Variants in MMS19 observed in about 807,000 individuals in gnomAD.
MMS19 encodes the protein MMS19 cytosolic iron-sulfur assembly component.
MMS19 carries 77 observed loss-of-function variants against 129.8 expected under a neutral mutation model. The ratio of observed to expected loss-of-function variants is 0.59; its 90% CI spans 0.49 to 0.72. The LOEUF (loss-of-function observed/expected upper bound fraction) is 0.72, where lower values mean the gene tolerates loss of function less well. Among genes scored for constraint, MMS19 ranks in the 30% least tolerant of loss-of-function variants. The probability of loss-of-function intolerance (pLI) is 0.00; values close to 1 mark genes in which losing one functional copy is unlikely to be tolerated. For missense variants in MMS19, 1,168 were observed against 1,266.3 expected, an observed-to-expected ratio of 0.92 and a Z score of 1.18; for synonymous variants, 491 against 502.8, an observed-to-expected ratio of 0.98 and a Z score of 0.31.
At chr10:97,479,415 C>G (rs549226390) in intron 3 of MMS19, among the ~76,000 whole-genome samples, 1 of 152,156 alleles carries the variant, frequency 6.6e-6, no homozygotes. Flanking sequence ...GCTGCTGTTC[C>G]CCATTCGACG....
rs538750018 is a variant in MMS19, at chr10:97,479,347, C to T, written c.263-958G>A. Among the ~76,000 whole-genome samples, 73 of 152,250 alleles carry T rather than the reference C, an allele frequency of 4.8e-4. 4 individuals carry two copies. The South Asian group carries it at 0.014, about 29-fold the overall frequency. On this transcript the variant is annotated intron_variant, in intron 3 of 30. Coordinates refer to ENST00000438925, the MANE Select transcript of MMS19 (RefSeq NM_022362.5). The stretch of plus-strand genomic sequence containing the variant: ...CTCCAAATGGTACTGTAAACTGAAC[C>T]TCACATTGACACGCCATTCTTGTGA...
In MMS19 at chr10:97,477,914, G is replaced by T; in HGVS notation, c.364C>A (p.Leu122Met). The T allele has an allele frequency of 6.2e-7, 1 of 1,606,024 alleles. No individual in the cohort carries two copies. Among genetic ancestry groups the T allele is most frequent in the East Asian group, 2.2e-5 (1 of 44,758 alleles). Residue 122 changes from leucine to methionine, a missense_variant, in exon 5 of 31, where the codon CTG (leucine) becomes ATG (methionine). Physicochemically the swap from Leu to Met is conservative, Grantham distance 15. Coordinates refer to ENST00000438925, the MANE Select transcript of MMS19 (RefSeq NM_022362.5). Reference sequence around the variant, plus strand: ...ACAGAAACAGCCAGCCCTGGGGGCAGGGCCACACACAGGCTCTGGGGGAGA... The same window carrying T: ...ACAGAAACAGCCAGCCCTGGGGGCATGGCCACACACAGGCTCTGGGGGAGA... ...GLKALSLCVA[L>M]PPGLAVSVLK...
chr10:97,469,542 C>A, intron 11 of MMS19, 104 bp downstream of exon 11: 1 of 899,944 alleles, frequency 1.1e-6, no homozygotes, highest in South Asian at 1.5e-5. Flanking sequence ...GGCATTATAT[C>A]TTGGCCCTGG....
chr10:97,475,738 A>G (rs1480128326), intron 8 of MMS19, among the ~76,000 whole-genome samples: 1 of 152,230 alleles, frequency 6.6e-6, no homozygotes, highest in East Asian at 1.9e-4. Context: ...CTCCATCTCA[A>G]AAAAGCAAAA....
intron 1 of MMS19, among the ~76,000 whole-genome samples, chr10:97,496,479 T>C (rs1197504764): frequency 7.4e-6 from 1 of 135,808 alleles, no homozygotes; most frequent in African/African-American, 2.9e-5. Context: ...ACCACTGCAC[T>C]CCAGCCTGGC....
intron 5 of MMS19, 98 bp from the exon 6 acceptor site, chr10:97,477,514 CT>C: frequency 1.3e-6 from 2 of 1,493,230 alleles, no homozygotes; most frequent in Non-Finnish European, 1.9e-6. Context: ...GAACAGTGCT[CT>C]TTATACCAGC....
At chr10:97,498,657 G>A (rs372542284), upstream of MMS19, 1 of 477,332 alleles carries the variant, frequency 2.1e-6, no homozygotes, top group Non-Finnish European at 3.7e-6. Context: ...GGGCTGCGGG[G>A]CGGGCACCTG....
At position 97,462,092 on chromosome 10, in the gene MMS19, A is replaced by G. The variant is rs1272155170; in HGVS notation, c.2040T>C (p.Ile680=). Residue 680 remains isoleucine, a synonymous_variant, in exon 21 of 31, where the codon ATT becomes ATC. Coordinates refer to ENST00000438925, the MANE Select transcript of MMS19 (RefSeq NM_022362.5). ...CGTTGCCATCCAAGAAGAGGGGCAC[A>G]ATGTGTGTCACACTCTGGGCAGCTA... ...PELAAQSVTH[I]VPLFLDGNVS... 3.8e-6 allele frequency: 6 copies of G among 1,584,484 alleles called. No homozygotes were observed. The highest frequency in any genetic ancestry group is 5.2e-6 in the Non-Finnish European group (6 of 1,164,896).
At chr10:97,480,128 G>A (rs1009845221) in intron 3 of MMS19, 7 of 363,992 alleles carry the variant, frequency 1.9e-5, no homozygotes, top group East Asian at 7.6e-5. Flanking sequence ...TAAAAGGCTC[G>A]GGTAGGAGGG....
At chr10:97,487,474 A>G (rs1238613933) in intron 1 of MMS19, among the ~76,000 whole-genome samples, 2 of 151,806 alleles carry the variant, frequency 1.3e-5, no homozygotes, top group African/African-American at 2.4e-5. Context: ...GCCCACCACC[A>G]CACCCGGCTA....
intron 2 of MMS19, among the ~76,000 whole-genome samples, chr10:97,483,004 C>T (rs1340589502): frequency 6.6e-6 from 1 of 151,992 alleles, no homozygotes; most frequent in Non-Finnish European, 1.5e-5. Flanking sequence ...TCATGATCCG[C>T]CCACCTCGGC....
chr10:97,476,584 G>A (rs1334243213), intron 8 of MMS19, 99 bp downstream of exon 8: 3 of 953,488 alleles, frequency 3.1e-6, no homozygotes, highest in African/African-American at 1.6e-5. Flanking sequence ...GGGCGGGGAT[G>A]TCTATTTTGG....
rs1484692925 is a variant in MMS19 at position 97,498,235 on chromosome 10, GC to G, written c.112+37del. On this transcript the variant is annotated intron_variant, in intron 1 of 30. Transcript: ENST00000438925. ...GTACTGAGGCCGCTCCCTCCTGTTG[GC>G]CCCCATGCGGAAGGCGCGCGGCGCC... 5.3e-6 allele frequency: 8 copies of G among 1,519,614 alleles called. No homozygotes were observed. In the South Asian group the frequency reaches 6.0e-5, roughly 11 times the overall value. The allele number at this position is 1,519,614 out of a possible 1,614,324, so 94.1% of individuals were successfully genotyped here.
rs2032186168 is a variant in MMS19, at chr10:97,462,241, G to A, written c.2013-122C>T. 13 of 684,360 alleles carry A rather than the reference G, an allele frequency of 1.9e-5. 1 individual carries two copies. The South Asian group carries it at 2.3e-4, about 12-fold the overall frequency. The allele number at this position is 684,360 out of a possible 1,614,324, so 42.4% of individuals were successfully genotyped here. A position where few individuals can be genotyped will look rare whatever the true frequency, so the allele number is the denominator to read the frequency against. On this transcript the variant is annotated intron_variant, in intron 20 of 30. Transcript: ENST00000438925. Reference sequence around the variant, plus strand: ...TCACCACGTCAATGGGACATGCCCTGATCATTCATGCATTGAACAAATATT... The same window carrying A: ...TCACCACGTCAATGGGACATGCCCTAATCATTCATGCATTGAACAAATATT...
chr10:97,460,845 C>T (rs1164968198), intron 24 of MMS19, 62 bp downstream of exon 24: 5 of 1,527,864 alleles, frequency 3.3e-6, no homozygotes, highest in Non-Finnish European at 4.5e-6. Flanking sequence ...CAAACAGGGA[C>T]ATTTTATTTA....
chr10:97,495,078 C>T (rs1234096068), intron 1 of MMS19, among the ~76,000 whole-genome samples: 1 of 152,150 alleles, frequency 6.6e-6, no homozygotes, highest in Non-Finnish European at 1.5e-5. Context: ...ATCAGGAAAC[C>T]CTTGGGGAGG....
intron 1 of MMS19, among the ~76,000 whole-genome samples, chr10:97,488,973 T>G (rs909391734): frequency 1.3e-5 from 2 of 152,190 alleles, no homozygotes; most frequent in African/African-American, 4.8e-5. Context: ...ATTTTTATTT[T>G]TTGAGACAGC....
intron 1 of MMS19, among the ~76,000 whole-genome samples, chr10:97,485,180 G>A (rs1421705189): frequency 2.0e-5 from 3 of 152,090 alleles, no homozygotes; most frequent in African/African-American, 7.2e-5. Context: ...CCAGGCTAGA[G>A]TGCAATGGTG....
chr10:97,459,347 T>G lies in MMS19; in HGVS notation c.2904+15A>C. On this transcript the variant is annotated intron_variant, in intron 28 of 30. Transcript: ENST00000438925. ...AGAGATGCTGGTGCCTAAGAGTTGC[T>G]GGGGCTCAACGCACCATGGAAGGGC... is the stretch of plus-strand genomic sequence containing the variant. The G allele has an allele frequency of 6.2e-7, 1 of 1,609,228 alleles. No individual in the cohort carries two copies. Among genetic ancestry groups the G allele is most frequent in the Non-Finnish European group, 8.5e-7 (1 of 1,177,728 alleles).
Sources: gnomAD v4.1 joint callset for allele counts (sites outside exome capture counted in the v4.1 genomes callset) on GRCh38, gnomAD v4.1.1 for gene constraint, MANE v1.5 for transcripts, NCBI Gene and HGNC (gene_info 2026-07-23, HGNC 2026-07-21) for gene names.